The following CLEC16A variants were observed in gnomAD, a reference collection of about 807,000 sequenced individuals.
The protein encoded by CLEC16A is protein CLEC16A.
CLEC16A carries 51 observed loss-of-function variants against 109.5 expected under a neutral mutation model. The observed-to-expected ratio is 0.47, with a 90% CI of 0.37 to 0.59. The LOEUF is 0.59. Among genes scored for constraint, CLEC16A ranks in the 20% least tolerant of loss-of-function variants. CLEC16A has a pLI of 0.00. For missense variants in CLEC16A, 1,339 were observed against 1,394.0 expected, an observed-to-expected ratio of 0.96 and a Z score of 0.63; for synonymous variants, 673 against 564.2, an observed-to-expected ratio of 1.19 and a Z score of -2.73.
intron 11 of CLEC16A, among the ~76,000 whole-genome samples, chr16:11,012,502 G>A (rs1278059062): frequency 2.0e-5 from 3 of 150,896 alleles, no homozygotes; most frequent in East Asian, 2.0e-4. Context: ...GGCTGAGGCA[G>A]GAGAATGGCG....
Position 10,984,929 on chromosome 16 carries a change from C to T in CLEC16A, c.1071+1938C>T, listed in dbSNP as rs113532301. Among the ~76,000 whole-genome samples the T allele has an allele frequency of 8.1e-4, 124 of 152,210 alleles. 1 individual carries two copies. Among genetic ancestry groups the T allele is most frequent in the African/African-American group, 2.9e-3 (122 of 41,542 alleles). On this transcript the variant is annotated intron_variant, in intron 10 of 23. Coordinates refer to ENST00000409790, the MANE Select transcript of CLEC16A (RefSeq NM_015226.3). ...CAAAATATAAAGTGCCCGCTGGGCACGGTGGCTCACCCCTGTAATCCCAGC... is the reference window on the plus strand; with the variant it reads ...CAAAATATAAAGTGCCCGCTGGGCATGGTGGCTCACCCCTGTAATCCCAGC...
rs998444598 is a variant in CLEC16A, at chr16:10,971,282, GCACT to G, written c.598+58_598+61del. 1.2e-4 allele frequency: 164 copies of G among 1,314,602 alleles called. 1 individual carries two copies. In the African/African-American group the frequency reaches 1.6e-3, roughly 13 times the overall value. 81.4% of individuals were successfully genotyped at this position (1,314,602 alleles called of 1,614,324 possible). A position where few individuals can be genotyped will look rare whatever the true frequency, so the allele number is the denominator to read the frequency against. ...CGGCTGATTTCTGACTTGGCAGCAAGCACTCACTCCCGTGTGTGTGCGTACAGTT... is the reference window on the plus strand; with the variant it reads ...CGGCTGATTTCTGACTTGGCAGCAAGCACTCCCGTGTGTGTGCGTACAGTT... On this transcript the variant is annotated intron_variant, in intron 5 of 23. Transcript: ENST00000409790.
At chr16:10,946,685 AG>A (rs2041395587) in intron 1 of CLEC16A, among the ~76,000 whole-genome samples, 1 of 152,034 alleles carries the variant, frequency 6.6e-6, no homozygotes, top group Non-Finnish European at 1.5e-5. Flanking sequence ...GCTTAACTCT[AG>A]CCCTTTTAAA....
At chr16:11,103,782 CTT>C (rs1232856804) in intron 19 of CLEC16A, among the ~76,000 whole-genome samples, 4 of 152,120 alleles carry the variant, frequency 2.6e-5, no homozygotes, top group Non-Finnish European at 5.9e-5. Flanking sequence ...CTGTGGTCCT[CTT>C]TGCCAAGCAG....
chr16:10,988,034 A>G (rs2043776483), intron 10 of CLEC16A, among the ~76,000 whole-genome samples: 2 of 152,226 alleles, frequency 1.3e-5, no homozygotes, highest in South Asian at 4.1e-4. Context: ...GTGCGTTAAA[A>G]TCATATGGTT....
chr16:10,953,573 C>T (rs2041839685), intron 1 of CLEC16A, among the ~76,000 whole-genome samples: 1 of 151,996 alleles, frequency 6.6e-6, no homozygotes, highest in South Asian at 2.1e-4. Context: ...ATAAAGGGAA[C>T]GAAAAGGTAA....
At chr16:11,042,507 G>C (rs2047394648) in intron 15 of CLEC16A, 144 bp downstream of exon 15, 2 of 582,876 alleles carry the variant, frequency 3.4e-6, no homozygotes, top group East Asian at 6.0e-5. Context: ...GCTCTCTTGA[G>C]ACCCCACTCC....
intron 10 of CLEC16A, among the ~76,000 whole-genome samples, chr16:10,989,895 C>G (rs917119558): frequency 1.2e-4 from 18 of 152,216 alleles, no homozygotes; most frequent in African/African-American, 4.3e-4. Flanking sequence ...ACAACTCAAA[C>G]TTGTATCCGA....
intron 16 of CLEC16A, among the ~76,000 whole-genome samples, chr16:11,045,435 C>T (rs1026733495): frequency 4.6e-5 from 7 of 152,252 alleles, no homozygotes; most frequent in African/African-American, 1.7e-4. Flanking sequence ...TGTGAAGGCT[C>T]ACTTTCTCAT....
chr16:10,989,646 A>G (rs761498897), intron 10 of CLEC16A, among the ~76,000 whole-genome samples: 3 of 152,186 alleles, frequency 2.0e-5, no homozygotes, highest in Non-Finnish European at 4.4e-5. Flanking sequence ...ACATAAGGAC[A>G]TTGACAGTCT....
At chr16:10,958,232 A>C (rs2042083452) in intron 2 of CLEC16A, among the ~76,000 whole-genome samples, 1 of 152,196 alleles carries the variant, frequency 6.6e-6, no homozygotes, top group Non-Finnish European at 1.5e-5. Context: ...ACATGAACAG[A>C]AGGCCTGTGC....
At chr16:11,027,040 A>G in intron 13 of CLEC16A, 1 of 1,566,802 alleles carries the variant, frequency 6.4e-7, no homozygotes, top group South Asian at 1.1e-5. Flanking sequence ...GAGGAAGAGC[A>G]AAGAAAAATC....
intron 19 of CLEC16A, among the ~76,000 whole-genome samples, chr16:11,078,028 A>C (rs901946821): frequency 1.3e-5 from 2 of 151,250 alleles, no homozygotes; most frequent in African/African-American, 2.4e-5. Context: ...AATGTACAGA[A>C]TACTGAGCTT....
chr16:11,115,086 C>G (rs1403318972), intron 19 of CLEC16A, among the ~76,000 whole-genome samples: 1 of 152,196 alleles, frequency 6.6e-6, no homozygotes, highest in Non-Finnish European at 1.5e-5. Flanking sequence ...TGAAGCCCCT[C>G]AGGCAGCCAG....
At chr16:10,990,785 ACTT>A (rs2043960061) in intron 10 of CLEC16A, among the ~76,000 whole-genome samples, 1 of 152,134 alleles carries the variant, frequency 6.6e-6, no homozygotes, top group South Asian at 2.1e-4. Context: ...GCCATTGGTG[ACTT>A]CTTCTGGGTT....
intron 13 of CLEC16A, chr16:11,027,729 G>C: frequency 6.4e-7 from 1 of 1,573,694 alleles, no homozygotes; most frequent in Non-Finnish European, 8.6e-7. Flanking sequence ...CTATCGGGGT[G>C]AACGCATCAA....
At chr16:10,997,056 G>C (rs1019351278) in intron 10 of CLEC16A, among the ~76,000 whole-genome samples, 6 of 152,134 alleles carry the variant, frequency 3.9e-5, no homozygotes, top group Non-Finnish European at 8.8e-5. Context: ...CAACCTTCTG[G>C]GCTCAAGTGA....
At chr16:11,170,088 G>C (rs991377944) in intron 23 of CLEC16A, among the ~76,000 whole-genome samples, 2 of 152,152 alleles carry the variant, frequency 1.3e-5, no homozygotes, top group Non-Finnish European at 2.9e-5. Context: ...CAGAATATCC[G>C]ATGCGGTTTC....
At chr16:11,003,471 C>T (rs2044794983) in intron 11 of CLEC16A, among the ~76,000 whole-genome samples, 166 bp downstream of exon 11, 1 of 152,224 alleles carries the variant, frequency 6.6e-6, no homozygotes, top group Non-Finnish European at 1.5e-5. Flanking sequence ...AGCCCTGCCA[C>T]TCGGAGGCTG....
Sources: gnomAD v4.1 joint callset for allele counts (sites outside exome capture counted in the v4.1 genomes callset) on GRCh38, gnomAD v4.1.1 for gene constraint, MANE v1.5 for transcripts, NCBI Gene and HGNC (gene_info 2026-07-23, HGNC 2026-07-21) for gene names.